Variants in WHRN observed in about 807,000 individuals in gnomAD.
The protein encoded by WHRN is whirlin.
WHRN carries 41 observed loss-of-function variants against 68.3 expected under a neutral mutation model. That is an observed-to-expected ratio of 0.60 (90% CI 0.47 to 0.78). The LOEUF is 0.78. Among genes scored for constraint, WHRN ranks in the 30% least tolerant of loss-of-function variants. WHRN has a pLI of 0.00. For missense variants in WHRN, 1,243 were observed against 1,244.7 expected, an observed-to-expected ratio of 1.00 and a Z score of 0.02; for synonymous variants, 560 against 561.3, an observed-to-expected ratio of 1.00 and a Z score of 0.03.
At chr9:114,446,139 G>A (rs1206937738) in intron 3 of WHRN, among the ~76,000 whole-genome samples, 2 of 152,120 alleles carry the variant, frequency 1.3e-5, no homozygotes, top group East Asian at 3.8e-4. Flanking sequence ...CTAATGAATG[G>A]ATAAACAAAA....
intron 1 of WHRN, among the ~76,000 whole-genome samples, chr9:114,489,158 T>C (rs1440403273): frequency 4.6e-5 from 7 of 152,200 alleles, no homozygotes; most frequent in Admixed American, 2.0e-4. Flanking sequence ...TATTTTATTA[T>C]CTACACTCTT....
In WHRN at chr9:114,447,521, G is replaced by C. The variant is rs575868747; in HGVS notation, c.963+18746C>G. Among the ~76,000 whole-genome samples the C allele has an allele frequency of 2.0e-5, 3 of 152,274 alleles. No homozygotes were observed. In the East Asian group the frequency reaches 5.8e-4, roughly 29 times the overall value. On this transcript the variant is annotated intron_variant, in intron 3 of 11. Coordinates refer to ENST00000362057, the MANE Select transcript of WHRN (RefSeq NM_015404.4). ...TTAAGAGCATGGTACTTCTTAACAG[G>C]TCTGACTTTATTACAGTTTGCTATT... is the stretch of plus-strand genomic sequence containing the variant.
chr9:114,449,493 T>TACC (rs1040652098), intron 3 of WHRN, among the ~76,000 whole-genome samples: 2 of 152,202 alleles, frequency 1.3e-5, no homozygotes, highest in Non-Finnish European at 2.9e-5. Flanking sequence ...TTGGCGCAAT[T>TACC]ACCACCCTAC....
intron 3 of WHRN, among the ~76,000 whole-genome samples, chr9:114,429,730 C>T (rs1032732699): frequency 1.3e-5 from 2 of 152,166 alleles, no homozygotes; most frequent in African/African-American, 4.8e-5. Context: ...GGATACTGCC[C>T]TTCCCTATCT....
intron 2 of WHRN, among the ~76,000 whole-genome samples, chr9:114,476,126 G>C (rs187796043): frequency 6.6e-6 from 1 of 151,716 alleles, no homozygotes; most frequent in Admixed American, 6.6e-5. Flanking sequence ...CATCATACCC[G>C]GCTAATTTTT....
At chr9:114,455,391 T>C (rs1168137510) in intron 3 of WHRN, among the ~76,000 whole-genome samples, 1 of 152,102 alleles carries the variant, frequency 6.6e-6, no homozygotes, top group East Asian at 1.9e-4. Flanking sequence ...GATGAAAAGA[T>C]ACTTTTAAGA....
intron 2 of WHRN, among the ~76,000 whole-genome samples, chr9:114,468,056 C>T (rs1335740239): frequency 2.0e-5 from 3 of 152,196 alleles, no homozygotes; most frequent in East Asian, 1.9e-4. Flanking sequence ...AGGTGGTGAA[C>T]AAGAGAGACT....
At chr9:114,417,195 T>C (rs1258671062) in intron 7 of WHRN, among the ~76,000 whole-genome samples, 2 of 152,226 alleles carry the variant, frequency 1.3e-5, no homozygotes, top group Non-Finnish European at 2.9e-5. Context: ...TTTGATTGAC[T>C]GTGTCTGCTT....
chr9:114,430,436 T>A (rs1446355543), intron 3 of WHRN, among the ~76,000 whole-genome samples: 2 of 152,184 alleles, frequency 1.3e-5, no homozygotes, highest in Admixed American at 6.5e-5. Flanking sequence ...TTACTGAAAA[T>A]CTAGCCACCC....
chr9:114,486,492 G>A lies in WHRN; in HGVS notation c.619-7721C>T, dbSNP rs1052848143. 3.3e-5 allele frequency among the ~76,000 whole-genome samples: 5 copies of A among 152,048 alleles called. No individual in the cohort carries two copies. The East Asian group carries it at 5.8e-4, about 18-fold the overall frequency. Reference sequence around the variant, plus strand: ...AACCTCTCCCTGCTCCTTTTCACTCGTTTAGCCAACCATCCATTCATTCAT... The same window carrying A: ...AACCTCTCCCTGCTCCTTTTCACTCATTTAGCCAACCATCCATTCATTCAT... On this transcript the variant is annotated intron_variant, in intron 1 of 11. Coordinates refer to ENST00000362057, the MANE Select transcript of WHRN (RefSeq NM_015404.4).
At chr9:114,461,297 C>T (rs1840225617) in intron 3 of WHRN, among the ~76,000 whole-genome samples, 1 of 152,216 alleles carries the variant, frequency 6.6e-6, no homozygotes, top group African/African-American at 2.4e-5. Flanking sequence ...CATCTTACCA[C>T]CTGAGATAAC....
chr9:114,423,108 T>C (rs1309288175), intron 7 of WHRN, among the ~76,000 whole-genome samples: 1 of 152,126 alleles, frequency 6.6e-6, no homozygotes, highest in East Asian at 1.9e-4. Flanking sequence ...GTTCACCTGT[T>C]GTCCCCAAGA....
chr9:114,459,112 T>C (rs1840039333), intron 3 of WHRN, among the ~76,000 whole-genome samples: 1 of 152,144 alleles, frequency 6.6e-6, no homozygotes. Context: ...CATGTAGCCA[T>C]GATCTGGGAG....
intron 7 of WHRN, among the ~76,000 whole-genome samples, chr9:114,420,284 C>G (rs1428861159): frequency 6.6e-6 from 1 of 151,906 alleles, no homozygotes. Context: ...CTGCCATGAC[C>G]AGCATCCCTT....
chr9:114,414,265 G>A (rs1452224482), intron 7 of WHRN, among the ~76,000 whole-genome samples: 1 of 152,180 alleles, frequency 6.6e-6, no homozygotes, highest in Non-Finnish European at 1.5e-5. Flanking sequence ...AGTTACAGCA[G>A]TTACTGACTC....
chr9:114,488,257 T>C (rs1472600726), intron 1 of WHRN, among the ~76,000 whole-genome samples: 1 of 152,182 alleles, frequency 6.6e-6, no homozygotes, highest in African/African-American at 2.4e-5. Context: ...TGAGAAAATG[T>C]GCATAAAGCA....
chr9:114,450,035 C>A (rs1179532915), intron 3 of WHRN, among the ~76,000 whole-genome samples: 1 of 152,072 alleles, frequency 6.6e-6, no homozygotes, highest in Non-Finnish European at 1.5e-5. Context: ...AACTCTGAGG[C>A]TTAGGACTTG....
chr9:114,402,885 G>A lies in WHRN; in HGVS notation c.2593C>T (p.Leu865=). The change falls in exon 12 of 12, where the codon CTG becomes TTG. Residue 865 remains leucine, a synonymous_variant. Coordinates refer to ENST00000362057, the MANE Select transcript of WHRN (RefSeq NM_015404.4). ...CGQLKVGHVI[L]EVNGLTLRGK... Reference sequence around the variant, plus strand: ...CGAAGCGTCAGCCCATTCACTTCCAGAATCACGTGGCCCACCTTGAGCTGC... The same window carrying A: ...CGAAGCGTCAGCCCATTCACTTCCAAAATCACGTGGCCCACCTTGAGCTGC... 1 of 1,613,920 alleles carries A rather than the reference G, an allele frequency of 6.2e-7. No individual in the cohort carries two copies. Among genetic ancestry groups the A allele is most frequent in the Non-Finnish European group, 8.5e-7 (1 of 1,179,992 alleles).
chr9:114,481,132 C>T (rs1842064114), intron 1 of WHRN, among the ~76,000 whole-genome samples: 1 of 152,176 alleles, frequency 6.6e-6, no homozygotes, highest in Non-Finnish European at 1.5e-5. Context: ...TCTCAACAGA[C>T]AAACTAGACC....
Sources: gnomAD v4.1 joint callset for allele counts (sites outside exome capture counted in the v4.1 genomes callset) on GRCh38, gnomAD v4.1.1 for gene constraint, MANE v1.5 for transcripts, NCBI Gene and HGNC (gene_info 2026-07-23, HGNC 2026-07-21) for gene names.